ABCC9: variants seen among roughly 807,000 people sequenced by gnomAD.
The protein encoded by ABCC9 is ATP-binding cassette sub-family C member 9.
In ABCC9, 95 loss-of-function variants were observed where a neutral mutation model predicts 188.3. That is an observed-to-expected ratio of 0.50 (90% confidence interval 0.43 to 0.60). The LOEUF is 0.60. ABCC9 is among the 20% of genes least tolerant of loss of function. The pLI is 0.00. For missense variants in ABCC9, 1,102 were observed against 1,876.3 expected (o/e 0.59, Z 7.62); for synonymous variants, 659 against 652.7 (o/e 1.01, Z -0.15).
Position 21,872,576 on chromosome 12 carries a change from T to A in ABCC9, c.2198+49A>T, listed in dbSNP as rs886996603. The A allele has an allele frequency of 5.9e-6, 8 of 1,354,264 alleles. No individual in the cohort carries two copies. The African/African-American group carries it at 1.1e-4, about 19-fold the overall frequency. The allele number at this position is 1,354,264 out of a possible 1,614,324, so 83.9% of individuals were successfully genotyped here. A position where few individuals can be genotyped will look rare whatever the true frequency, so the allele number is the denominator to read the frequency against. ...TTGTCTAAGTTCTTTCCTTGGAAGATTATCAGATGTATGACATAGCAATGG... is the reference window on the plus strand; with the variant it reads ...TTGTCTAAGTTCTTTCCTTGGAAGAATATCAGATGTATGACATAGCAATGG... On this transcript the variant is annotated intron_variant, in intron 18 of 39. Coordinates refer to ENST00000261200, the MANE Select transcript of ABCC9 (RefSeq NM_020297.4).
At chr12:21,829,341 A>G (rs1338836110) in intron 30 of ABCC9, among the ~76,000 whole-genome samples, 7 of 151,672 alleles carry the variant, frequency 4.6e-5, no homozygotes, top group African/African-American at 1.7e-4. Context: ...AGCTGGGACT[A>G]CAGGCACCCG....
intron 12 of ABCC9, among the ~76,000 whole-genome samples, chr12:21,897,511 T>A (rs1194939624): frequency 6.6e-6 from 1 of 152,244 alleles, no homozygotes; most frequent in Non-Finnish European, 1.5e-5. Flanking sequence ...AATGTTTGTA[T>A]TATCCATTAT....
chr12:21,907,681 A>G lies in ABCC9; in HGVS notation c.1455+396T>C, dbSNP rs76246098. On this transcript the variant is annotated intron_variant, in intron 11 of 39. Transcript: ENST00000261200. ...ACATGCTTTGAGTCTACCCTAGGGA[A>G]ATATAATTTCAGAAGCAGCAAACTT... 6.8e-4 allele frequency among the ~76,000 whole-genome samples: 103 copies of G among 152,096 alleles called. 1 individual carries two copies. In the East Asian group the frequency reaches 0.019, roughly 29 times the overall value.
chr12:21,872,498 T>A, intron 18 of ABCC9, 127 bp downstream of exon 18: 1 of 735,012 alleles, frequency 1.4e-6, no homozygotes, highest in South Asian at 1.6e-5. Context: ...ATTTTTTTTT[T>A]AAAGCTGTGC....
chr12:21,828,417 T>C lies in ABCC9; in HGVS notation c.3669+541A>G, dbSNP rs1943518336. On this transcript the variant is annotated intron_variant, in intron 31 of 39. Transcript: ENST00000261200. ...ACAAGGTACAAGGTACACATTCTTA[T>C]TTTACAGATGAGGAACTGGGACTAA... The C allele has an allele frequency of 1.6e-5, 3 of 187,850 alleles. No individual in the cohort carries two copies. The South Asian group carries it at 3.1e-4, about 20-fold the overall frequency. 11.6% of individuals were successfully genotyped at this position (187,850 alleles called of 1,614,324 possible).
chr12:21,832,762 C>T (rs1278627402), intron 30 of ABCC9, among the ~76,000 whole-genome samples: 2 of 152,070 alleles, frequency 1.3e-5, no homozygotes, highest in Non-Finnish European at 2.9e-5. Context: ...TCCAGCAAAC[C>T]CACTAGTAGG....
chr12:21,887,083 TC>T, intron 15 of ABCC9, among the ~76,000 whole-genome samples: 1 of 152,076 alleles, frequency 6.6e-6, no homozygotes, highest in Admixed American at 6.6e-5. Context: ...ATATCACATG[TC>T]TTGTTCATTG....
intron 30 of ABCC9, 85 bp downstream of exon 30, chr12:21,837,989 AAATG>A (rs1171843887): frequency 4.4e-6 from 5 of 1,127,548 alleles, no homozygotes; most frequent in Non-Finnish European, 6.7e-6. Flanking sequence ...AGATCAAACA[AAATG>A]AAAGCAATGA....
intron 8 of ABCC9, among the ~76,000 whole-genome samples, chr12:21,911,886 A>G (rs1948341619): frequency 2.3e-5 from 1 of 44,022 alleles, no homozygotes; most frequent in Admixed American, 2.3e-4. Flanking sequence ...TGGTGAAAAT[A>G]TCTGGTTCAT....
In ABCC9 at chr12:21,853,439, G is replaced by GTA. The variant is rs1449329776; in HGVS notation, c.2506-936_2506-935dup. On this transcript the variant is annotated intron_variant, in intron 22 of 39. Transcript: ENST00000261200. ...CATGAAGTGCTTAGTATGGTAGTGG[G>GTA]TATATAATTTACATTGTTAGCTATT... Among the ~76,000 whole-genome samples, 3 of 152,048 alleles carry GTA rather than the reference G, an allele frequency of 2.0e-5. No homozygotes were observed. In the East Asian group the frequency reaches 5.8e-4, roughly 29 times the overall value.
rs1945591433 is a variant in ABCC9 at position 21,862,899 on chromosome 12, A to G, written c.2339+54T>C. The G allele has an allele frequency of 4.4e-6, 5 of 1,145,002 alleles. No individual in the cohort carries two copies. In the Admixed American group the frequency reaches 8.6e-5, roughly 20 times the overall value. 70.9% of individuals were successfully genotyped at this position (1,145,002 alleles called of 1,614,324 possible). The stretch of plus-strand genomic sequence containing the variant: ...GAAACCATTGTTCATTCCCAAACAC[A>G]CGAGTCAGAAAGAGTTGCCATTTTG... On this transcript the variant is annotated intron_variant, in intron 20 of 39. Coordinates refer to ENST00000261200, the MANE Select transcript of ABCC9 (RefSeq NM_020297.4).
chr12:21,815,122 G>T (rs1007151953), intron 34 of ABCC9, among the ~76,000 whole-genome samples: 1 of 152,090 alleles, frequency 6.6e-6, no homozygotes, highest in African/African-American at 2.4e-5. Context: ...GGTCGAGGCT[G>T]CAGTGAGCCG....
chr12:21,906,627 A>G (rs1049790584), intron 11 of ABCC9, among the ~76,000 whole-genome samples: 4 of 152,078 alleles, frequency 2.6e-5, no homozygotes, highest in African/African-American at 9.7e-5. Context: ...TAATAAGGAG[A>G]CTTATAATGA....
At chr12:21,855,512 G>A (rs1358851111) in intron 22 of ABCC9, among the ~76,000 whole-genome samples, 4 of 152,062 alleles carry the variant, frequency 2.6e-5, no homozygotes, top group African/African-American at 7.2e-5. Flanking sequence ...GTGAGCCACC[G>A]CACCCAGCCT....
At chr12:21,913,530 C>T (rs1335966245) in intron 7 of ABCC9, among the ~76,000 whole-genome samples, 1 of 152,146 alleles carries the variant, frequency 6.6e-6, no homozygotes, top group Admixed American at 6.6e-5. Flanking sequence ...TTTGCCTATC[C>T]AATAATTACC....
chr12:21,899,394 G>A (rs759359234), intron 12 of ABCC9, among the ~76,000 whole-genome samples: 2 of 152,186 alleles, frequency 1.3e-5, no homozygotes, highest in Non-Finnish European at 2.9e-5. Flanking sequence ...CGATGCAGAA[G>A]ACGGGTGACT....
chr12:21,849,199 A>G (rs1468236457), intron 24 of ABCC9, among the ~76,000 whole-genome samples: 1 of 152,130 alleles, frequency 6.6e-6, no homozygotes, highest in Non-Finnish European at 1.5e-5. Flanking sequence ...AAACCTACAC[A>G]GTTTTTCTGT....
At chr12:21,815,422 C>T (rs1038026172) in intron 34 of ABCC9, among the ~76,000 whole-genome samples, 1 of 151,598 alleles carries the variant, frequency 6.6e-6, no homozygotes, top group Admixed American at 6.6e-5. Flanking sequence ...TTTACAATAA[C>T]TAAAAGAAGT....
At position 21,881,852 on chromosome 12, in the gene ABCC9, G is replaced by T. The variant is rs1371633181; in HGVS notation, c.2019+914C>A. ...ACCCCAAAACAACCACACTAAAATGGCATGTCCACCTCAAGATGGGCAAAC... is the reference window on the plus strand; with the variant it reads ...ACCCCAAAACAACCACACTAAAATGTCATGTCCACCTCAAGATGGGCAAAC... On this transcript the variant is annotated intron_variant, in intron 16 of 39. Transcript: ENST00000261200. 2.6e-5 allele frequency among the ~76,000 whole-genome samples: 4 copies of T among 151,964 alleles called. No homozygotes were observed. The East Asian group carries it at 7.7e-4, about 29-fold the overall frequency.
Sources: allele counts gnomAD v4.1 joint callset (sites outside exome capture counted in the v4.1 genomes callset), GRCh38; gene constraint gnomAD v4.1.1; transcripts MANE v1.5; gene names NCBI Gene and HGNC (gene_info 2026-07-23, HGNC 2026-07-21).